The following EDA variants were observed in gnomAD, a reference collection of about 807,000 sequenced individuals.
The protein encoded by EDA is ectodysplasin A.
A neutral mutation model predicts 23.6 loss-of-function variants in EDA; 2 were observed. The ratio of observed to expected loss-of-function variants is 0.08; its 90% CI spans 0.03 to 0.27. The LOEUF is 0.27. Among genes scored for constraint, EDA ranks in the 10% least tolerant of loss-of-function variants. EDA has a pLI of 1.00. For synonymous variants in EDA, 131 were observed against 132.0 expected, an observed-to-expected ratio of 0.99 and a Z score of 0.05; for missense variants, 229 against 324.2, an observed-to-expected ratio of 0.71 and a Z score of 2.26.
chrX:69,790,926 G>A (rs935549313), intron 1 of EDA, among the ~76,000 whole-genome samples: 4 of 111,008 alleles, frequency 3.6e-5, no homozygotes, highest in African/African-American at 9.8e-5. Flanking sequence ...GGCAACTGAA[G>A]TAGTTATGAT....
intron 1 of EDA, among the ~76,000 whole-genome samples, chrX:69,801,383 G>T (rs1487321515): frequency 4.6e-5 from 5 of 108,889 alleles, no homozygotes; most frequent in Non-Finnish European, 9.5e-5. Context: ...GCCTAAGCTG[G>T]TCTCAAACTC....
rs774798826 is a variant in EDA, at chrX:69,998,584, A to C, written c.503-24634A>C. Among the ~76,000 whole-genome samples, 3 of 111,669 alleles carry C rather than the reference A, an allele frequency of 2.7e-5. No individual in the cohort carries two copies. In the East Asian group the frequency reaches 8.5e-4, roughly 32 times the overall value. On this transcript the variant is annotated intron_variant, in intron 2 of 7. Coordinates refer to ENST00000374552, the MANE Select transcript of EDA (RefSeq NM_001399.5). Reference sequence around the variant, plus strand: ...GCATGATTGGTTTTGAAATGTGAGGACATGTGATATGGGAGGGATCAGGGG... The same window carrying C: ...GCATGATTGGTTTTGAAATGTGAGGCCATGTGATATGGGAGGGATCAGGGG...
intron 1 of EDA, among the ~76,000 whole-genome samples, chrX:69,661,460 T>C (rs1241760426): frequency 9.2e-6 from 1 of 109,013 alleles, no homozygotes; most frequent in Non-Finnish European, 1.9e-5. Flanking sequence ...GGTTTTCTTC[T>C]AGGGTTTTTA....
intron 1 of EDA, among the ~76,000 whole-genome samples, chrX:69,663,175 C>T (rs968695688): frequency 8.9e-6 from 1 of 112,030 alleles, no homozygotes; most frequent in Non-Finnish European, 1.9e-5. Context: ...ATGTTAATTG[C>T]CAAGACAATA....
intron 1 of EDA, among the ~76,000 whole-genome samples, chrX:69,713,698 T>G (rs1304559398): frequency 8.9e-6 from 1 of 112,110 alleles, no homozygotes; most frequent in Non-Finnish European, 1.9e-5. Flanking sequence ...GTATTAATAG[T>G]TTGTTCCTTT....
chrX:69,860,999 C>T (rs2147595336), intron 1 of EDA: 1 of 503,156 alleles, frequency 2.0e-6, no homozygotes, highest in East Asian at 3.7e-5. Flanking sequence ...TCAATAATAA[C>T]TGTTAAATGA....
At chrX:69,704,818 A>G (rs933792562) in intron 1 of EDA, among the ~76,000 whole-genome samples, 5 of 111,828 alleles carry the variant, frequency 4.5e-5, no homozygotes, top group African/African-American at 1.6e-4. Context: ...TGAATTGCTC[A>G]TTAAACAAAA....
rs7060921 is a variant in EDA at position 69,686,295 on chromosome X, C to A, written c.396+69591C>A. The stretch of plus-strand genomic sequence containing the variant: ...TATAGGCATGAGCCACCGCGCCCAG[C>A]CTGAAATGGCATTTCTTTCTCTGAA... On this transcript the variant is annotated intron_variant, in intron 1 of 7. Transcript: ENST00000374552. Among the ~76,000 whole-genome samples the A allele has an allele frequency of 7.8e-3, 880 of 112,407 alleles. 6 individuals carry two copies. Among genetic ancestry groups the A allele is most frequent in the African/African-American group, 0.027 (845 of 30,968 alleles).
chrX:69,798,357 A>C (rs1330251287), intron 1 of EDA, among the ~76,000 whole-genome samples: 2 of 111,976 alleles, frequency 1.8e-5, no homozygotes. Context: ...ACACCTACAG[A>C]CTATACATTC....
At chrX:69,688,476 C>G (rs1473849624) in intron 1 of EDA, among the ~76,000 whole-genome samples, 1 of 111,525 alleles carries the variant, frequency 9.0e-6, no homozygotes, top group Non-Finnish European at 1.9e-5. Context: ...TCTTGACTCA[C>G]TACAACCTCC....
At chrX:69,671,520 C>T (rs1408225771) in intron 1 of EDA, among the ~76,000 whole-genome samples, 1 of 111,544 alleles carries the variant, frequency 9.0e-6, no homozygotes, top group African/African-American at 3.3e-5. Context: ...GCAGTTTTCC[C>T]ACTAACCAGG....
intron 1 of EDA, among the ~76,000 whole-genome samples, chrX:69,906,439 T>G (rs938562703): frequency 8.9e-6 from 1 of 112,180 alleles, no homozygotes. Flanking sequence ...GAAAAGAAAA[T>G]TTTAAAATAT....
At chrX:69,758,360 G>C (rs1423569016) in intron 1 of EDA, among the ~76,000 whole-genome samples, 2 of 112,133 alleles carry the variant, frequency 1.8e-5, no homozygotes, top group African/African-American at 6.5e-5. Flanking sequence ...GTGTGGACTA[G>C]ATGATCTGGT....
chrX:69,893,030 T>C (rs746198066), intron 1 of EDA, among the ~76,000 whole-genome samples: 1 of 111,532 alleles, frequency 9.0e-6, no homozygotes, highest in Non-Finnish European at 1.9e-5. Context: ...ATTTGTAATC[T>C]CACACTCCTG....
chrX:69,928,120 T>C (rs924385362), intron 1 of EDA, among the ~76,000 whole-genome samples: 6 of 111,257 alleles, frequency 5.4e-5, no homozygotes, highest in Non-Finnish European at 1.1e-4. Flanking sequence ...GCTTTAACCC[T>C]TTTGTACATA....
At chrX:70,017,178 C>A (rs2019963139) in intron 2 of EDA, among the ~76,000 whole-genome samples, 1 of 111,747 alleles carries the variant, frequency 8.9e-6, no homozygotes, top group Non-Finnish European at 1.9e-5. Context: ...AATCCCTGAA[C>A]AGACCAATAA....
At chrX:69,645,604 A>ATATATATATATGTGTG (rs1569281320) in intron 1 of EDA, among the ~76,000 whole-genome samples, 3 of 38,559 alleles carry the variant, frequency 7.8e-5, no homozygotes, top group Non-Finnish European at 1.2e-4. Context: ...GTGTGTGTGT[A>ATATATATATATGTGTG]TATATATATA....
At chrX:69,661,035 A>G (rs1933482810) in intron 1 of EDA, among the ~76,000 whole-genome samples, 1 of 110,189 alleles carries the variant, frequency 9.1e-6, no homozygotes, top group African/African-American at 3.3e-5. Flanking sequence ...AATGATCGCC[A>G]CTCTAACTGG....
intron 1 of EDA, among the ~76,000 whole-genome samples, chrX:69,655,787 T>TATATATA (rs6151315): frequency 5.7e-5 from 5 of 88,374 alleles, no homozygotes; most frequent in African/African-American, 1.4e-4. Flanking sequence ...TATATATATA[T>TATATATA]TGCACTTTGT....
Sources: allele counts gnomAD v4.1 joint callset (sites outside exome capture counted in the v4.1 genomes callset), GRCh38; gene constraint gnomAD v4.1.1; transcripts MANE v1.5; gene names NCBI Gene and HGNC (gene_info 2026-07-23, HGNC 2026-07-21).